LRP12: variants seen among roughly 807,000 people sequenced by gnomAD.
The protein encoded by LRP12 is low-density lipoprotein receptor-related protein 12.
Under a neutral mutation model 66.0 loss-of-function variants are expected in LRP12, and 14 were observed. The ratio of observed to expected loss-of-function variants is 0.21; its 90% CI spans 0.14 to 0.33. The LOEUF (loss-of-function observed/expected upper bound fraction) is 0.33. Among genes scored for constraint, LRP12 ranks in the 10% least tolerant of loss-of-function variants. The pLI is 1.00. For missense variants in LRP12, 889 were observed against 1,053.4 expected, an observed-to-expected ratio of 0.84 and a Z score of 2.16; for synonymous variants, 357 against 359.1, an observed-to-expected ratio of 0.99 and a Z score of 0.07.
intron 1 of LRP12, among the ~76,000 whole-genome samples, chr8:104,587,731 TCAC>T (rs545944225): frequency 5.9e-5 from 9 of 152,300 alleles, no homozygotes; most frequent in East Asian, 1.9e-4. Flanking sequence ...TGACTAAACC[TCAC>T]CACCACCACC....
chr8:104,551,305 A>T (rs2140880582), intron 1 of LRP12, among the ~76,000 whole-genome samples: 1 of 152,296 alleles, frequency 6.6e-6, no homozygotes, highest in Middle Eastern at 3.4e-3. Flanking sequence ...TTGTATTAGT[A>T]CGTATTGAGT....
chr8:104,495,001 C>A, intron 6 of LRP12, 76 bp downstream of exon 6: 2 of 1,364,070 alleles, frequency 1.5e-6, no homozygotes, highest in Middle Eastern at 1.9e-4. Flanking sequence ...AGTCAAGGGT[C>A]TTTGCTTTAT....
chr8:104,519,233 CG>C (rs1024174087), intron 2 of LRP12, among the ~76,000 whole-genome samples: 9 of 151,890 alleles, frequency 5.9e-5, no homozygotes, highest in African/African-American at 2.2e-4. Flanking sequence ...AGCCAAGCTG[CG>C]TTATAATGTG....
intron 1 of LRP12, among the ~76,000 whole-genome samples, chr8:104,556,963 C>A (rs1379000978): frequency 1.3e-5 from 2 of 152,078 alleles, no homozygotes; most frequent in Non-Finnish European, 2.9e-5. Context: ...TTAACATACA[C>A]AAGTCAATAA....
chr8:104,582,746 T>A (rs1206621039), intron 1 of LRP12, among the ~76,000 whole-genome samples: 9 of 152,148 alleles, frequency 5.9e-5, no homozygotes. Context: ...TATGTGCTTG[T>A]ATAGTGTTCA....
chr8:104,545,090 T>C (rs192381964), intron 1 of LRP12, among the ~76,000 whole-genome samples: 1 of 152,260 alleles, frequency 6.6e-6, no homozygotes, highest in East Asian at 1.9e-4. Flanking sequence ...AACCCTCATG[T>C]ATGACCTCTG....
At chr8:104,553,132 G>C (rs11996875) in intron 1 of LRP12, among the ~76,000 whole-genome samples, 1 of 152,182 alleles carries the variant, frequency 6.6e-6, no homozygotes, top group Non-Finnish European at 1.5e-5. Context: ...CCTTGGGGAG[G>C]GCTGCCAGTG....
At chr8:104,573,745 C>G (rs988596684) in intron 1 of LRP12, among the ~76,000 whole-genome samples, 7 of 150,198 alleles carry the variant, frequency 4.7e-5, no homozygotes, top group African/African-American at 1.5e-4. Flanking sequence ...ACACTGAACT[C>G]AACAAAAAAA....
intron 4 of LRP12, among the ~76,000 whole-genome samples, chr8:104,498,560 C>T (rs185282243): frequency 2.6e-4 from 39 of 152,262 alleles, no homozygotes; most frequent in African/African-American, 7.9e-4. Flanking sequence ...GACATGATCT[C>T]GCTCCTTTTT....
rs138100433 is a variant in LRP12 at position 104,518,003 on chromosome 8, T to A, written c.137-8929A>T. Among the ~76,000 whole-genome samples the A allele has an allele frequency of 1.7e-4, 26 of 152,280 alleles. No homozygotes were observed. The East Asian group carries it at 4.6e-3, about 27-fold the overall frequency. On this transcript the variant is annotated intron_variant, in intron 2 of 6. Coordinates refer to ENST00000276654, the MANE Select transcript of LRP12 (RefSeq NM_013437.5). The stretch of plus-strand genomic sequence containing the variant: ...ACCCAAACATGGAAAAAGCAGAGTA[T>A]GTAGTTAGATGATTAGCATAAAAAT...
intron 1 of LRP12, among the ~76,000 whole-genome samples, chr8:104,569,675 T>C (rs1812050702): frequency 6.6e-6 from 1 of 152,056 alleles, no homozygotes; most frequent in African/African-American, 2.4e-5. Context: ...CTCAACTTGG[T>C]AAAAAGGCAT....
At chr8:104,585,455 A>G (rs1812314769) in intron 1 of LRP12, among the ~76,000 whole-genome samples, 1 of 152,060 alleles carries the variant, frequency 6.6e-6, no homozygotes, top group African/African-American at 2.4e-5. Context: ...CAAACTCCTG[A>G]CTTCAGGAGA....
rs1810607879 is a variant in LRP12 at position 104,490,810 on chromosome 8, G to T, written c.2443C>A (p.Pro815Thr). 6.2e-7 allele frequency: 1 copy of T among 1,614,106 alleles called. No individual in the cohort carries two copies. Among genetic ancestry groups the T allele is most frequent in the Admixed American group, 1.7e-5 (1 of 60,026 alleles). Residue 815 changes from proline (P) to threonine (T), a missense_variant, in exon 7 of 7, where the codon CCT (proline) becomes ACT (threonine). By Grantham distance (38) the Pro-to-Thr change is conservative (BLOSUM62 -1). Coordinates refer to ENST00000276654, the MANE Select transcript of LRP12 (RefSeq NM_013437.5). ...TCTCGATTACTTGGCCTTACTCCAGGATTTGTTGCATTATATGGTTGTCTA... is the reference window on the plus strand; with the variant it reads ...TCTCGATTACTTGGCCTTACTCCAGTATTTGTTGCATTATATGGTTGTCTA... Reference protein sequence around the residue: ...GLRQPYNATNPGVRPSNRDGP... With the variant: ...GLRQPYNATNTGVRPSNRDGP...
intron 1 of LRP12, among the ~76,000 whole-genome samples, chr8:104,538,547 C>T (rs1811420917): frequency 6.6e-6 from 1 of 152,070 alleles, no homozygotes; most frequent in Non-Finnish European, 1.5e-5. Context: ...CTCCTATGGT[C>T]AACATTTTGC....
intron 2 of LRP12, among the ~76,000 whole-genome samples, chr8:104,521,153 T>C (rs1811143311): frequency 6.6e-6 from 1 of 151,928 alleles, no homozygotes; most frequent in Non-Finnish European, 1.5e-5. Flanking sequence ...AATTCTGGAA[T>C]ATGTACAGAT....
chr8:104,546,627 C>G (rs1811561817), intron 1 of LRP12, among the ~76,000 whole-genome samples: 1 of 151,936 alleles, frequency 6.6e-6, no homozygotes. Context: ...AGACTCAAAT[C>G]CAGATTTACC....
chr8:104,562,767 A>G (rs1223771329), intron 1 of LRP12, among the ~76,000 whole-genome samples: 1 of 152,200 alleles, frequency 6.6e-6, no homozygotes, highest in Non-Finnish European at 1.5e-5. Flanking sequence ...TAATGTAGAA[A>G]GTATTTGCAT....
At chr8:104,510,109 A>G (rs767159030) in intron 2 of LRP12, among the ~76,000 whole-genome samples, 11 of 152,230 alleles carry the variant, frequency 7.2e-5, no homozygotes, top group African/African-American at 9.6e-5. Context: ...TCTTTATCAT[A>G]AACTACCTTT....
chr8:104,525,044 A>C (rs1811210541), intron 2 of LRP12, among the ~76,000 whole-genome samples: 1 of 152,122 alleles, frequency 6.6e-6, no homozygotes, highest in Non-Finnish European at 1.5e-5. Context: ...TCAAAAAGAA[A>C]CATATAATTT....
Sources: allele counts gnomAD v4.1 joint callset (sites outside exome capture counted in the v4.1 genomes callset), GRCh38; gene constraint gnomAD v4.1.1; transcripts MANE v1.5; gene names NCBI Gene and HGNC (gene_info 2026-07-23, HGNC 2026-07-21).